The following KLF15 variants were observed in gnomAD, a reference collection of about 807,000 sequenced individuals.
KLF15 encodes the protein Krueppel-like factor 15.
In KLF15, 4 loss-of-function variants were observed where a neutral mutation model predicts 24.6. That is an observed-to-expected ratio of 0.16 (90% confidence interval 0.08 to 0.37). The LOEUF is 0.37. Among genes scored for constraint, KLF15 ranks in the 10% least tolerant of loss-of-function variants. The pLI is 1.00. For missense variants in KLF15, 496 were observed against 560.6 expected (o/e 0.88, Z 1.16); for synonymous variants, 246 against 236.3 (o/e 1.04, Z -0.37).
the KLF15 span, among the ~76,000 whole-genome samples, chr3:126,293,274 C>G: frequency 6.6e-6 from 1 of 152,034 alleles, no homozygotes; most frequent in East Asian, 1.9e-4. Context: ...ATGATTGTGC[C>G]ACTGCACTCT....
chr3:126,316,236 CTGGGGCTGGGAGTGCACGGGTGGGAG>C, the KLF15 span, among the ~76,000 whole-genome samples: 1 of 106,116 alleles, frequency 9.4e-6, no homozygotes, highest in South Asian at 3.3e-4. Flanking sequence ...ACGGGCCGGA[CTGGGGCTGGGAGTGCACGGGTGGGAG>C]TGGGGCTGGG....
rs995086597 is a variant in KLF15 at position 126,357,077 on chromosome 3, C to T, written c.-26+160G>A. Among the ~76,000 whole-genome samples the T allele has an allele frequency of 6.3e-4, 95 of 151,806 alleles. 1 individual carries two copies. Among genetic ancestry groups the T allele is most frequent in the African/African-American group, 2.1e-3 (88 of 41,494 alleles). On this transcript the variant is annotated intron_variant, in intron 1 of 2. Transcript: ENST00000296233. ...GGGCCAGTCCGACCCCTGCCCACCT[C>T]CGCGGGGGCCCATCCCGCTCCTCCG...
At chr3:126,317,458 T>C in the KLF15 span, among the ~76,000 whole-genome samples, 5 of 151,970 alleles carry the variant, frequency 3.3e-5, no homozygotes, top group Admixed American at 6.6e-5. Flanking sequence ...ATCTCAGGAG[T>C]TGGGCGAGTG....
At chr3:126,338,973 C>G (rs576510700), downstream of KLF15, among the ~76,000 whole-genome samples, 2 of 152,348 alleles carry the variant, frequency 1.3e-5, no homozygotes, top group South Asian at 4.1e-4. Context: ...CTGAGAACAG[C>G]CTGGGGACCG....
the KLF15 span, among the ~76,000 whole-genome samples, chr3:126,296,847 T>C: frequency 6.6e-6 from 1 of 152,260 alleles, no homozygotes; most frequent in Admixed American, 6.5e-5. Flanking sequence ...CTTCTTAGTT[T>C]GTAAGAATTA....
chr3:126,339,752 C>T (rs541838531), downstream of KLF15, among the ~76,000 whole-genome samples: 98 of 152,300 alleles, frequency 6.4e-4, no homozygotes, highest in African/African-American at 2.3e-3. Flanking sequence ...GGTCCTGAGG[C>T]TTTCTGCCTA....
chr3:126,343,477 C>G lies in KLF15; in HGVS notation c.*250G>C, dbSNP rs1411313947. 5 of 466,240 alleles carry G rather than the reference C, an allele frequency of 1.1e-5. No individual in the cohort carries two copies. In the East Asian group the frequency reaches 2.1e-4, roughly 20 times the overall value. The allele number at this position is 466,240 out of a possible 1,614,324, so 28.9% of individuals were successfully genotyped here. The stretch of plus-strand genomic sequence containing the variant: ...GCCACCGCGGGAAGGCACGAAGGCA[C>G]GAAGGCACGAAGGCCTGCCTCCAGC... On this transcript the variant is annotated 3_prime_UTR_variant, in exon 3 of 3. Coordinates refer to ENST00000296233, the MANE Select transcript of KLF15 (RefSeq NM_014079.4).
the KLF15 span, among the ~76,000 whole-genome samples, chr3:126,320,856 T>C: frequency 7.9e-5 from 12 of 152,084 alleles, no homozygotes; most frequent in South Asian, 2.3e-3. Flanking sequence ...AGGCTGCCTC[T>C]AGCCAGCTGC....
At chr3:126,330,570 C>T in the KLF15 span, among the ~76,000 whole-genome samples, 1 of 151,812 alleles carries the variant, frequency 6.6e-6, no homozygotes, top group African/African-American at 2.4e-5. Flanking sequence ...TTGGCAAGGA[C>T]TTTGCAAATA....
At chr3:126,315,256 C>T in the KLF15 span, among the ~76,000 whole-genome samples, 2 of 152,160 alleles carry the variant, frequency 1.3e-5, no homozygotes, top group Non-Finnish European at 2.9e-5. Context: ...ATTACATCTG[C>T]AACAACTCTA....
the KLF15 span, among the ~76,000 whole-genome samples, chr3:126,300,105 TATC>T: frequency 6.6e-6 from 1 of 152,090 alleles, no homozygotes; most frequent in Non-Finnish European, 1.5e-5. Flanking sequence ...TCCTGCTGTG[TATC>T]AGCAACGGGG....
chr3:126,319,710 G>A, the KLF15 span, among the ~76,000 whole-genome samples: 75 of 152,142 alleles, frequency 4.9e-4, no homozygotes, highest in Non-Finnish European at 2.4e-4. Context: ...TTAACACTAC[G>A]GGCATATCAA....
At chr3:126,323,961 G>A in the KLF15 span, among the ~76,000 whole-genome samples, 27 of 150,298 alleles carry the variant, frequency 1.8e-4, no homozygotes, top group Admixed American at 1.8e-3. Flanking sequence ...TCTTTATCCA[G>A]TTTATCATTG....
At chr3:126,312,464 C>T in the KLF15 span, among the ~76,000 whole-genome samples, 15 of 152,256 alleles carry the variant, frequency 9.9e-5, no homozygotes, top group South Asian at 1.9e-3. Context: ...CATGAGCCAC[C>T]GCGCCCAGCC....
intron 2 of KLF15, among the ~76,000 whole-genome samples, chr3:126,347,367 G>A (rs145353329): frequency 6.6e-6 from 1 of 152,300 alleles, no homozygotes; most frequent in South Asian, 2.1e-4. Flanking sequence ...CCTCAATGCA[G>A]AGGGGTCATG....
At chr3:126,296,914 T>G in the KLF15 span, among the ~76,000 whole-genome samples, 2 of 152,186 alleles carry the variant, frequency 1.3e-5, no homozygotes, top group Non-Finnish European at 2.9e-5. Flanking sequence ...TTCTAGTTGA[T>G]CATTTCTTTA....
chr3:126,317,438 T>G, the KLF15 span, among the ~76,000 whole-genome samples: 1 of 152,158 alleles, frequency 6.6e-6, no homozygotes, highest in Admixed American at 6.5e-5. Flanking sequence ...ATCAGCAACT[T>G]CGCGATAAGA....
intron 2 of KLF15, among the ~76,000 whole-genome samples, chr3:126,347,287 T>C (rs79577498): frequency 0.016 from 2,494 of 151,760 alleles, 71 homozygotes; most frequent in African/African-American, 0.057. Flanking sequence ...CTCCCTAGAG[T>C]TGTGCAGTTC....
chr3:126,298,540 G>A, the KLF15 span, among the ~76,000 whole-genome samples: 1 of 151,828 alleles, frequency 6.6e-6, no homozygotes, highest in Non-Finnish European at 1.5e-5. Flanking sequence ...TAAATTCTTT[G>A]CCTAAGCCAA....
Sources: allele counts gnomAD v4.1 joint callset (sites outside exome capture counted in the v4.1 genomes callset), GRCh38; gene constraint gnomAD v4.1.1; transcripts MANE v1.5; gene names NCBI Gene and HGNC (gene_info 2026-07-23, HGNC 2026-07-21).